ECRG4: variants seen among roughly 807,000 people sequenced by gnomAD.
ECRG4 encodes the protein augurin.
In ECRG4, 18 loss-of-function variants were observed where a neutral mutation model predicts 15.8. The ratio of observed to expected loss-of-function variants is 1.14; its 90% CI spans 0.79 to 1.69. The LOEUF (loss-of-function observed/expected upper bound fraction) is 1.69, where lower values mean the gene tolerates loss of function less well. Ranked by LOEUF, ECRG4 falls within the 40% of genes most tolerant of loss-of-function variation. ECRG4 has a pLI of 0.00. For missense variants in ECRG4, 200 were observed against 190.9 expected (o/e 1.05, Z -0.28); for synonymous variants, 82 against 73.9 (o/e 1.11, Z -0.56).
chr2:106,070,532 G>A (rs552323075), intron 1 of ECRG4, among the ~76,000 whole-genome samples: 2 of 152,348 alleles, frequency 1.3e-5, no homozygotes, highest in African/African-American at 4.8e-5. Flanking sequence ...AGCCTCAGGT[G>A]AGGCAGCCAG....
intron 2 of ECRG4, 30 bp downstream of exon 2, chr2:106,071,921 C>T: frequency 1.3e-6 from 2 of 1,582,560 alleles, no homozygotes; most frequent in Non-Finnish European, 1.7e-6. Flanking sequence ...ATAAGGGATG[C>T]ATTCTTAACT....
At chr2:106,064,267 T>C (rs1160662021), upstream of ECRG4, 1 of 152,222 alleles carries the variant, frequency 6.6e-6, no homozygotes, top group Non-Finnish European at 1.5e-5. Context: ...TTGGCCACCA[T>C]CTGTCTTTAC....
intron 2 of ECRG4, among the ~76,000 whole-genome samples, chr2:106,072,707 C>T (rs945159432): frequency 3.9e-5 from 6 of 152,296 alleles, no homozygotes; most frequent in South Asian, 2.1e-4. Context: ...AGGCTTGGGG[C>T]GGTCCCAGCA....
intron 2 of ECRG4, chr2:106,072,146 T>C (rs921252761): frequency 4.6e-6 from 2 of 430,818 alleles, no homozygotes; most frequent in African/African-American, 4.0e-5. Flanking sequence ...AAAGAAACAG[T>C]AGTACAGTGT....
intron 2 of ECRG4, 129 bp from the exon 3 acceptor site, chr2:106,073,757 A>C: frequency 1.9e-6 from 2 of 1,036,024 alleles, no homozygotes; most frequent in Non-Finnish European, 2.9e-6. Flanking sequence ...CATGCAAGTA[A>C]GAATGAAGTT....
At position 106,065,706 on chromosome 2, in the gene ECRG4, G is replaced by A; in HGVS notation, c.-59G>A. ...CGCTCGCACCCCTCTCCCGCGCCCG[G>A]TTCTCCCTCGCAGCACCTCGAAGTG... On this transcript the variant is annotated 5_prime_UTR_variant, in exon 1 of 4. Transcript: ENST00000238044. 7.4e-7 allele frequency: 1 copy of A among 1,350,168 alleles called. No homozygotes were observed. 83.6% of individuals were successfully genotyped at this position (1,350,168 alleles called of 1,614,324 possible). A position where few individuals can be genotyped will look rare whatever the true frequency, so the allele number is the denominator to read the frequency against.
At chr2:106,065,356 C>A (rs955144736), upstream of ECRG4, among the ~76,000 whole-genome samples, 1 of 152,034 alleles carries the variant, frequency 6.6e-6, no homozygotes, top group African/African-American at 2.4e-5. Flanking sequence ...AGTCCTCCCT[C>A]TGAGTGGCCA....
At chr2:106,071,746 G>A in intron 1 of ECRG4, 98 bp from the exon 2 acceptor site, 1 of 930,348 alleles carries the variant, frequency 1.1e-6, no homozygotes, top group African/African-American at 1.6e-5. Flanking sequence ...AATCAAGGCA[G>A]GGGCCCGCAG....
chr2:106,064,765 G>A (rs1676167736), upstream of ECRG4, among the ~76,000 whole-genome samples: 1 of 152,190 alleles, frequency 6.6e-6, no homozygotes, highest in African/African-American at 2.4e-5. Flanking sequence ...AGACAGGAAA[G>A]GTAATCTCAC....
rs909182800 is a variant in ECRG4 at position 106,065,733 on chromosome 2, G to T, written c.-32G>T. 2.1e-6 allele frequency: 3 copies of T among 1,454,904 alleles called. No individual in the cohort carries two copies. The highest frequency in any genetic ancestry group is 6.0e-5 in the East Asian group (2 of 33,338). The allele number at this position is 1,454,904 out of a possible 1,614,324, so 90.1% of individuals were successfully genotyped here. On this transcript the variant is annotated 5_prime_UTR_variant, in exon 1 of 4. Transcript: ENST00000238044. ...TCTCCCTCGCAGCACCTCGAAGTGC[G>T]CCCCTCGCCCTCCTGCTCGCGCCCC...
At chr2:106,076,371 T>C (rs1224186860) in intron 3 of ECRG4, among the ~76,000 whole-genome samples, 5 of 151,972 alleles carry the variant, frequency 3.3e-5, no homozygotes, top group Non-Finnish European at 1.5e-5. Context: ...AGAGGCAAGA[T>C]TGTTTCACCA....
chr2:106,065,748 G>T lies in ECRG4; in HGVS notation c.-17G>T. On this transcript the variant is annotated 5_prime_UTR_variant, in exon 1 of 4. Coordinates refer to ENST00000238044, the MANE Select transcript of ECRG4 (RefSeq NM_032411.3). ...CTCGAAGTGCGCCCCTCGCCCTCCT[G>T]CTCGCGCCCCGCCGCCATGGCTGCC... The T allele has an allele frequency of 6.8e-7, 1 of 1,476,968 alleles. No individual in the cohort carries two copies. The highest frequency in any genetic ancestry group is 8.9e-7 in the Non-Finnish European group (1 of 1,120,642). 91.5% of individuals were successfully genotyped at this position (1,476,968 alleles called of 1,614,324 possible).
chr2:106,072,872 T>C (rs899153255), intron 2 of ECRG4, among the ~76,000 whole-genome samples: 7 of 152,168 alleles, frequency 4.6e-5, no homozygotes, highest in African/African-American at 1.7e-4. Context: ...CAGTTTGTCA[T>C]AGGTGAGCAA....
chr2:106,067,474 T>A (rs1054838292), intron 1 of ECRG4, among the ~76,000 whole-genome samples: 7 of 93,532 alleles, frequency 7.5e-5, no homozygotes, highest in South Asian at 5.1e-4. Context: ...GTGAAAATAT[T>A]TTTTTTTTTT....
chr2:106,065,191 G>A (rs562797445), upstream of ECRG4, among the ~76,000 whole-genome samples: 14 of 152,194 alleles, frequency 9.2e-5, no homozygotes, highest in African/African-American at 2.9e-4. Context: ...AAATTCCAAA[G>A]CCCACTTTAC....
chr2:106,068,185 T>C (rs888840651), intron 1 of ECRG4, among the ~76,000 whole-genome samples: 6 of 152,100 alleles, frequency 3.9e-5, no homozygotes, highest in African/African-American at 1.4e-4. Flanking sequence ...CCGTGACCCC[T>C]TCTTGATCAA....
chr2:106,066,500 A>G (rs1676218352), intron 1 of ECRG4, among the ~76,000 whole-genome samples: 1 of 152,212 alleles, frequency 6.6e-6, no homozygotes, highest in South Asian at 2.1e-4. Flanking sequence ...CACAGGCCCC[A>G]CTTTAGGAAC....
chr2:106,075,152 C>G (rs1676458009), intron 3 of ECRG4, among the ~76,000 whole-genome samples: 1 of 152,146 alleles, frequency 6.6e-6, no homozygotes, highest in Non-Finnish European at 1.5e-5. Flanking sequence ...TTATTTGCAT[C>G]TCTGTACAGT....
At chr2:106,072,310 C>A (rs569562983) in intron 2 of ECRG4, 2 of 163,516 alleles carry the variant, frequency 1.2e-5, no homozygotes, top group Admixed American at 6.1e-5. Context: ...AACAGGAAAG[C>A]CTTTCTTGTT....
Sources: allele counts gnomAD v4.1 joint callset (sites outside exome capture counted in the v4.1 genomes callset), GRCh38; gene constraint gnomAD v4.1.1; transcripts MANE v1.5; gene names NCBI Gene and HGNC (gene_info 2026-07-23, HGNC 2026-07-21).